Variants in ZFP69B observed in about 807,000 individuals in gnomAD.
ZFP69B encodes the protein zinc finger protein 69 homolog B.
In ZFP69B, 20 loss-of-function variants were observed where a neutral mutation model predicts 19.7. The ratio of observed to expected loss-of-function variants is 1.02; its 90% confidence interval spans 0.71 to 1.48. The LOEUF is 1.48. Ranked by LOEUF, ZFP69B falls within the 40% of genes most tolerant of loss-of-function variation. The pLI is 0.00. For missense variants in ZFP69B, 583 were observed against 632.6 expected (o/e 0.92, Z 0.84); for synonymous variants, 220 against 222.7 (o/e 0.99, Z 0.11).
intron 1 of ZFP69B, among the ~76,000 whole-genome samples, chr1:40,451,654 G>A (rs1055524608): frequency 2.6e-5 from 2 of 77,654 alleles, no homozygotes; most frequent in African/African-American, 1.3e-4. Context: ...AGAAAGACGT[G>A]GGGGGGGGGG....
In ZFP69B at chr1:40,450,829, A is replaced by G. The variant is rs968911011; in HGVS notation, c.-133A>G. ...TTCCTGAGAGAGGACATTGAGGAGT[A>G]GGAGTCGGCGATTAAGGAGATCGGT... On this transcript the variant is annotated 5_prime_UTR_variant, in exon 1 of 5. The change abolishes the stop of an existing upstream ORF in the 5' untranslated region. Transcript: ENST00000361584. 1 of 1,004,506 alleles carries G rather than the reference A, an allele frequency of 1.0e-6. No homozygotes were observed. Among genetic ancestry groups the G allele is most frequent in the South Asian group, 2.5e-5 (1 of 40,046 alleles). The allele number at this position is 1,004,506 out of a possible 1,614,324, so 62.2% of individuals were successfully genotyped here.
At chr1:40,460,529 A>C (rs1221915391) in intron 4 of ZFP69B, among the ~76,000 whole-genome samples, 1 of 152,158 alleles carries the variant, frequency 6.6e-6, no homozygotes, top group East Asian at 1.9e-4. Context: ...TAATGTACAG[A>C]TATAAAAAGA....
At chr1:40,462,326 C>T (rs1467289031) in intron 4 of ZFP69B, 95 bp from the exon 5 acceptor site, 3 of 1,147,958 alleles carry the variant, frequency 2.6e-6, no homozygotes, top group Non-Finnish European at 3.7e-6. Flanking sequence ...AACTCCTGTA[C>T]CTAGTATATA....
chr1:40,454,881 G>C (rs1233281682), intron 2 of ZFP69B, among the ~76,000 whole-genome samples: 2 of 152,220 alleles, frequency 1.3e-5, no homozygotes, highest in Non-Finnish European at 2.9e-5. Flanking sequence ...AAAGGAAATA[G>C]AGAGGAGAAG....
Position 40,463,341 on chromosome 1 carries a change from G to A in ZFP69B, c.1357G>A (p.Gly453Arg). 6.2e-7 allele frequency: 1 copy of A among 1,614,158 alleles called. No individual in the cohort carries two copies. The highest frequency in any genetic ancestry group is 1.3e-5 in the African/African-American group (1 of 75,046). The change falls in exon 5 of 5, where the codon GGG (glycine) becomes AGG (arginine). Residue 453 changes from glycine (G) to arginine (R), a missense_variant. Gly to Arg is a moderately radical substitution (Grantham distance 125). Coordinates refer to ENST00000361584, the MANE Select transcript of ZFP69B (RefSeq NM_023070.3). ...GERPYKCKEC[G>R]KAFSQRIHLS... ...AAGACCATATAAATGTAAGGAATGT[G>A]GGAAAGCCTTTAGCCAGAGAATACA... is the stretch of plus-strand genomic sequence containing the variant.
In ZFP69B at chr1:40,451,004, A is replaced by G; in HGVS notation, c.43A>G (p.Thr15Ala). 1 of 1,551,418 alleles carries G rather than the reference A, an allele frequency of 6.4e-7. No individual in the cohort carries two copies. Among genetic ancestry groups the G allele is most frequent in the Non-Finnish European group, 8.7e-7 (1 of 1,147,036 alleles). ...LLITLPTEAS[T>A]WVKLRHPKAA... The stretch of plus-strand genomic sequence containing the variant: ...GATCACCCTGCCCACCGAGGCCAGC[A>G]CCTGGGTGAAGTTGCGTCATCCAAA... The change falls in exon 1 of 5, where the codon ACC (threonine) becomes GCC (alanine). Residue 15 changes from threonine to alanine, a missense_variant. Coordinates refer to ENST00000361584, the MANE Select transcript of ZFP69B (RefSeq NM_023070.3).
intron 1 of ZFP69B, 54 bp downstream of exon 1, chr1:40,451,142 G>A: frequency 1.4e-6 from 2 of 1,443,126 alleles, no homozygotes; most frequent in Non-Finnish European, 1.8e-6. Context: ...TCTAGTGTGA[G>A]AAGGAATGAG....
At chr1:40,460,007 C>A (rs1356424615) in intron 4 of ZFP69B, among the ~76,000 whole-genome samples, 2 of 152,092 alleles carry the variant, frequency 1.3e-5, no homozygotes, top group African/African-American at 4.8e-5. Flanking sequence ...TATTCTGTAT[C>A]CTTAAAGATT....
chr1:40,462,148 G>A (rs115090879), intron 4 of ZFP69B, among the ~76,000 whole-genome samples: 2,491 of 152,080 alleles, frequency 0.016, 62 homozygotes, highest in East Asian at 0.14. Context: ...TCGAACTCCT[G>A]GGCTCAAGCA....
rs781770009 is a variant in ZFP69B, at chr1:40,451,033, G to A, written c.72G>A (p.Ala24=). The A allele has an allele frequency of 7.1e-6, 11 of 1,550,232 alleles. No individual in the cohort carries two copies. Among genetic ancestry groups the A allele is most frequent in the Middle Eastern group, 1.7e-4 (1 of 5,988 alleles). ...STWVKLRHPK[A]ATERVALWED... ...GGGTGAAGTTGCGTCATCCAAAGGCGGCCACGGAGCGGGTGGCCCTGTGGG... is the reference window on the plus strand; with the variant it reads ...GGGTGAAGTTGCGTCATCCAAAGGCAGCCACGGAGCGGGTGGCCCTGTGGG... The change falls in exon 1 of 5, where the codon GCG becomes GCA. Residue 24 remains alanine, a synonymous_variant. Coordinates refer to ENST00000361584, the MANE Select transcript of ZFP69B (RefSeq NM_023070.3).
chr1:40,457,576 T>C, intron 4 of ZFP69B, 137 bp downstream of exon 4: 1 of 661,532 alleles, frequency 1.5e-6, no homozygotes, highest in East Asian at 2.7e-5. Context: ...CTGTCACCCT[T>C]TTCCCACACT....
At position 40,456,929 on chromosome 1, in the gene ZFP69B, G is replaced by A. The variant is rs573893991; in HGVS notation, c.214-16G>A. 1.8e-5 allele frequency: 29 copies of A among 1,608,232 alleles called. No homozygotes were observed. The African/African-American group carries it at 3.5e-4, about 19-fold the overall frequency. Reference sequence around the variant, plus strand: ...TCCCAAAGTCTGGCTGAAAAGGAACGTATTTGATGTTCTAGGAACTGTTAA... The same window carrying A: ...TCCCAAAGTCTGGCTGAAAAGGAACATATTTGATGTTCTAGGAACTGTTAA... On this transcript the variant is annotated splice_polypyrimidine_tract_variant and intron_variant, in intron 2 of 4. Transcript: ENST00000361584.
chr1:40,460,904 C>T (rs922936419), intron 4 of ZFP69B, among the ~76,000 whole-genome samples: 1 of 150,888 alleles, frequency 6.6e-6, no homozygotes, highest in East Asian at 2.0e-4. Flanking sequence ...TCATGTGAAC[C>T]CAGGAGGTGG....
chr1:40,458,352 G>A (rs1487453703), intron 4 of ZFP69B, among the ~76,000 whole-genome samples: 1 of 152,004 alleles, frequency 6.6e-6, no homozygotes, highest in Non-Finnish European at 1.5e-5. Context: ...TTTCTCATCA[G>A]TGTCTTTTTT....
In ZFP69B at chr1:40,456,672, C is replaced by T. The variant is rs1050803089; in HGVS notation, c.214-273C>T. 4.6e-5 allele frequency among the ~76,000 whole-genome samples: 7 copies of T among 152,294 alleles called. No individual in the cohort carries two copies. In the South Asian group the frequency reaches 8.3e-4, roughly 18 times the overall value. ...CCCAAATACTCCTGAACTTTATTGT[C>T]TTTAATCAAAATTACTGTACACTGT... is the stretch of plus-strand genomic sequence containing the variant. On this transcript the variant is annotated intron_variant, in intron 2 of 4. Transcript: ENST00000361584.
rs1015259416 is a variant in ZFP69B, at chr1:40,456,988, A to T, written c.257A>T (p.Glu86Val). 6.2e-7 allele frequency: 1 copy of T among 1,613,854 alleles called. No individual in the cohort carries two copies. Among genetic ancestry groups the T allele is most frequent in the African/African-American group, 1.3e-5 (1 of 74,920 alleles). ...FKDVSVDFTQ[E>V]EWGQLAPAHR... Reference sequence around the variant, plus strand: ...GACGTATCTGTGGACTTCACTCAGGAGGAGTGGGGGCAGCTGGCCCCTGCT... The same window carrying T: ...GACGTATCTGTGGACTTCACTCAGGTGGAGTGGGGGCAGCTGGCCCCTGCT... Residue 86 changes from glutamate to valine, a missense_variant, in exon 3 of 5, where the codon GAG (glutamate) becomes GTG (valine). By Grantham distance (121) the Glu-to-Val change is moderately radical. Transcript: ENST00000361584.
chr1:40,463,250 T>A lies in ZFP69B; in HGVS notation c.1266T>A (p.Asn422Lys). 6.2e-7 allele frequency: 1 copy of A among 1,614,184 alleles called. No individual in the cohort carries two copies. The highest frequency in any genetic ancestry group is 1.3e-5 in the African/African-American group (1 of 75,058). ...CTGGTGTGAAACCCTATATTTGTAATGTATGTAGTAAAACCTTCAGCCATA... is the reference window on the plus strand; with the variant it reads ...CTGGTGTGAAACCCTATATTTGTAAAGTATGTAGTAAAACCTTCAGCCATA... Reference protein sequence around the residue: ...IHTGVKPYICNVCSKTFSHST... With the variant: ...IHTGVKPYICKVCSKTFSHST... The change falls in exon 5 of 5, where the codon AAT becomes AAA. Residue 422 changes from asparagine to lysine, a missense_variant. Asn to Lys is a moderately conservative substitution (Grantham distance 94, BLOSUM62 0). Coordinates refer to ENST00000361584, the MANE Select transcript of ZFP69B (RefSeq NM_023070.3).
intron 2 of ZFP69B, 71 bp downstream of exon 2, chr1:40,454,359 C>A: frequency 1.8e-6 from 2 of 1,135,522 alleles, no homozygotes; most frequent in Non-Finnish European, 2.4e-6. Flanking sequence ...GTTTGATTTT[C>A]TTTGACTCAA....
At chr1:40,457,568 G>A (rs752775310) in intron 4 of ZFP69B, 129 bp downstream of exon 4, 12 of 697,506 alleles carry the variant, frequency 1.7e-5, no homozygotes, top group Non-Finnish European at 2.4e-5. Flanking sequence ...TGTTATCTCT[G>A]TCACCCTTTT....
Sources: gnomAD v4.1 joint callset for allele counts (sites outside exome capture counted in the v4.1 genomes callset) on GRCh38, gnomAD v4.1.1 for gene constraint, MANE v1.5 for transcripts, NCBI Gene and HGNC (gene_info 2026-07-23, HGNC 2026-07-21) for gene names.